HEATR1: variants seen among roughly 807,000 people sequenced by gnomAD.
The protein encoded by HEATR1 is HEAT repeat containing 1, also known as HEAT repeat-containing protein 1.
HEATR1 carries 77 observed loss-of-function variants against 248.2 expected under a neutral mutation model. The ratio of observed to expected loss-of-function variants is 0.31; its 90% confidence interval spans 0.26 to 0.37. The LOEUF (loss-of-function observed/expected upper bound fraction) is 0.37, where lower values mean the gene tolerates loss of function less well. Among genes scored for constraint, HEATR1 ranks in the 10% least tolerant of loss-of-function variants. The pLI is 1.00. For synonymous variants in HEATR1, 897 were observed against 923.1 expected (o/e 0.97, Z 0.51); for missense variants, 2,420 against 2,504.9 (o/e 0.97, Z 0.72).
At chr1:236,563,254 G>A (rs1437775596) in intron 32 of HEATR1, among the ~76,000 whole-genome samples, 2 of 152,082 alleles carry the variant, frequency 1.3e-5, no homozygotes, top group Non-Finnish European at 2.9e-5. Context: ...ATCCTGCACT[G>A]CTGAGAGGAG....
chr1:236,587,929 A>G lies in HEATR1; in HGVS notation c.1626+19T>C. ...AATTTACAAAATTGTATACCTCAAC[A>G]AATGACAAATTCACTCACCTCAAAA... is the stretch of plus-strand genomic sequence containing the variant. On this transcript the variant is annotated intron_variant, in intron 13 of 44. Coordinates refer to ENST00000366582, the MANE Select transcript of HEATR1 (RefSeq NM_018072.6). 1 of 1,565,978 alleles carries G rather than the reference A, an allele frequency of 6.4e-7. No individual in the cohort carries two copies.
Position 236,585,868 on chromosome 1 carries a change from C to A in HEATR1, c.2001G>T (p.Leu667Phe). ...CTCCTAAATTTATATTATCAGCCAA[C>A]AACTCAATCATCTTCTGATTTGCTA... ...IGVANQKMIE[L>F]LADNINLGDP... is the part of the protein sequence containing the mutation. Residue 667 changes from leucine (L) to phenylalanine (F), a missense_variant, in exon 16 of 45, where the codon TTG (leucine) becomes TTT (phenylalanine). Leu to Phe is a conservative substitution (Grantham distance 22, BLOSUM62 0). Transcript: ENST00000366582. The A allele has an allele frequency of 6.2e-7, 1 of 1,612,636 alleles. No homozygotes were observed. Among genetic ancestry groups the A allele is most frequent in the Non-Finnish European group, 8.5e-7 (1 of 1,178,870 alleles).
Position 236,551,004 on chromosome 1 carries a change from A to AAT in HEATR1, c.6347-15_6347-14insAT. On this transcript the variant is annotated splice_polypyrimidine_tract_variant and intron_variant, in intron 44 of 44. Coordinates refer to ENST00000366582, the MANE Select transcript of HEATR1 (RefSeq NM_018072.6). The stretch of plus-strand genomic sequence containing the variant: ...CTTCACATTCATCTAAAAAAAAAAA[A>AAT]AAAAAATCAAAATTAAAATCTGAGT... 1.9e-6 allele frequency: 3 copies of AAT among 1,559,612 alleles called. No individual in the cohort carries two copies. The highest frequency in any genetic ancestry group is 2.6e-6 in the Non-Finnish European group (3 of 1,151,038).
At chr1:236,590,700 T>C in intron 12 of HEATR1, 147 bp downstream of exon 12, 1 of 399,704 alleles carries the variant, frequency 2.5e-6, no homozygotes, top group East Asian at 3.6e-5. Context: ...TACACAGTCC[T>C]AAATATTAGT....
At chr1:236,576,098 A>G (rs1663555100) in intron 22 of HEATR1, 121 bp downstream of exon 22, 1 of 647,108 alleles carries the variant, frequency 1.5e-6, no homozygotes, top group East Asian at 3.0e-5. Flanking sequence ...AATTAATATT[A>G]CATTTATCTC....
chr1:236,581,490 G>A (rs1572045197), intron 19 of HEATR1, 76 bp from the exon 20 acceptor site: 3 of 1,028,094 alleles, frequency 2.9e-6, no homozygotes, highest in Non-Finnish European at 4.1e-6. Context: ...TCTCACTAGT[G>A]TACAATTATA....
chr1:236,570,800 G>C (rs564653677), intron 28 of HEATR1, among the ~76,000 whole-genome samples: 1 of 151,832 alleles, frequency 6.6e-6, no homozygotes, highest in African/African-American at 2.4e-5. Flanking sequence ...AGTAGATTAA[G>C]ATCCCCTAAA....
chr1:236,576,724 T>A, intron 21 of HEATR1, 56 bp downstream of exon 21: 1 of 1,476,784 alleles, frequency 6.8e-7, no homozygotes, highest in Non-Finnish European at 9.1e-7. Context: ...ATGGAGAAAA[T>A]TGCTCCAGTA....
chr1:236,561,399 T>G (rs1382459668), intron 32 of HEATR1, 128 bp from the exon 33 acceptor site: 27 of 735,028 alleles, frequency 3.7e-5, no homozygotes, highest in Non-Finnish European at 6.6e-5. Flanking sequence ...GACATTACAA[T>G]TTAATCAGGT....
intron 19 of HEATR1, among the ~76,000 whole-genome samples, 159 bp downstream of exon 19, chr1:236,582,577 A>G (rs1663781776): frequency 6.6e-6 from 1 of 151,262 alleles, no homozygotes; most frequent in Admixed American, 6.6e-5. Flanking sequence ...TAATTTTTGT[A>G]TTTTTAGTAG....
Position 236,592,125 on chromosome 1 carries a change from A to G in HEATR1, c.1305-15T>C, listed in dbSNP as rs778706899. On this transcript the variant is annotated splice_polypyrimidine_tract_variant and intron_variant, in intron 10 of 44. Transcript: ENST00000366582. Reference sequence around the variant, plus strand: ...TTCTGGGGTATCTGGGAAGCAATTAAAAAGTGAATTCATTATTCTTAATAA... The same window carrying G: ...TTCTGGGGTATCTGGGAAGCAATTAGAAAGTGAATTCATTATTCTTAATAA... 7.6e-6 allele frequency: 10 copies of G among 1,323,530 alleles called. No individual in the cohort carries two copies. Among genetic ancestry groups the G allele is most frequent in the Non-Finnish European group, 1.1e-5 (10 of 927,258 alleles). 82.0% of individuals were successfully genotyped at this position (1,323,530 alleles called of 1,614,324 possible).
chr1:236,577,181 T>C (rs757211071), intron 20 of HEATR1, among the ~76,000 whole-genome samples: 3 of 150,798 alleles, frequency 2.0e-5, no homozygotes, highest in Non-Finnish European at 2.9e-5. Context: ...CACCAACTGC[T>C]ATCACATATG....
At chr1:236,570,054 C>G (rs190759289) in intron 28 of HEATR1, among the ~76,000 whole-genome samples, 1 of 152,030 alleles carries the variant, frequency 6.6e-6, no homozygotes, top group Non-Finnish European at 1.5e-5. Context: ...TTTGGGAGGC[C>G]GAGGCGGGCG....
At chr1:236,578,653 T>C (rs1289320571) in intron 20 of HEATR1, among the ~76,000 whole-genome samples, 1 of 152,234 alleles carries the variant, frequency 6.6e-6, no homozygotes, top group Non-Finnish European at 1.5e-5. Flanking sequence ...AAATGATTTT[T>C]ATAAATATGC....
chr1:236,594,136 T>G, intron 8 of HEATR1, 22 bp from the exon 9 acceptor site: 2 of 1,456,498 alleles, frequency 1.4e-6, no homozygotes, highest in Non-Finnish European at 1.9e-6. Flanking sequence ...AAAATTAAAA[T>G]TGTGTTGGGA....
intron 32 of HEATR1, among the ~76,000 whole-genome samples, chr1:236,561,785 G>C (rs1200377137): frequency 6.6e-6 from 1 of 152,136 alleles, no homozygotes; most frequent in Non-Finnish European, 1.5e-5. Flanking sequence ...TTATGTTCTA[G>C]TTCCTTCATT....
chr1:236,576,377 C>G lies in HEATR1; in HGVS notation c.2926G>C (p.Asp976His). 6.4e-7 allele frequency: 1 copy of G among 1,563,776 alleles called. No homozygotes were observed. The highest frequency in any genetic ancestry group is 8.6e-7 in the Non-Finnish European group (1 of 1,162,138). ...ITSDAAYVIQ[D>H]LATLFEELQR... Reference sequence around the variant, plus strand: ...AGTTCCTCAAATAAAGTAGCCAAATCCTAAGATACCAAAAAGAAAATTGGA... The same window carrying G: ...AGTTCCTCAAATAAAGTAGCCAAATGCTAAGATACCAAAAAGAAAATTGGA... Residue 976 changes from aspartate (D) to histidine (H), a missense_variant and splice_region_variant, in exon 22 of 45, where the codon GAT becomes CAT. By Grantham distance (81) the Asp-to-His change is moderately conservative. Transcript: ENST00000366582.
chr1:236,586,106 A>T, intron 15 of HEATR1, 135 bp downstream of exon 15: 1 of 1,228,340 alleles, frequency 8.1e-7, no homozygotes, highest in Non-Finnish European at 1.1e-6. Flanking sequence ...TTTTCACTGT[A>T]TACTTTTTAT....
chr1:236,577,852 T>C (rs952752362), intron 20 of HEATR1, among the ~76,000 whole-genome samples: 1 of 152,184 alleles, frequency 6.6e-6, no homozygotes, highest in Non-Finnish European at 1.5e-5. Context: ...GGTACCTTAC[T>C]GGTAAAGTTT....
Sources: allele counts gnomAD v4.1 joint callset (sites outside exome capture counted in the v4.1 genomes callset), GRCh38; gene constraint gnomAD v4.1.1; transcripts MANE v1.5; gene names NCBI Gene and HGNC (gene_info 2026-07-23, HGNC 2026-07-21).